Variants in FIGNL1 observed in about 807,000 individuals in gnomAD.
FIGNL1 encodes fidgetin like 1.
In FIGNL1, 11 loss-of-function variants were observed where a neutral mutation model predicts 28.9. That is an observed-to-expected ratio of 0.38 (90% CI 0.24 to 0.63). The LOEUF (loss-of-function observed/expected upper bound fraction) is 0.63, where lower values mean the gene tolerates loss of function less well. Ranked by LOEUF, FIGNL1 falls within the 20% of genes least tolerant of loss-of-function variation. FIGNL1 has a pLI of 0.57. For synonymous variants in FIGNL1, 295 were observed against 276.5 expected (o/e 1.07, Z -0.66); for missense variants, 789 against 810.4 (o/e 0.97, Z 0.32).
intron 3 of FIGNL1, 104 bp downstream of exon 3, chr7:50,448,077 T>C (rs1429332456): frequency 6.6e-6 from 1 of 152,228 alleles, no homozygotes; most frequent in Non-Finnish European, 1.5e-5. Context: ...GAGGAACCAT[T>C]GGAAGAATCA....
At position 50,444,837 on chromosome 7, in the gene FIGNL1, T is replaced by G. The variant is rs535778643; in HGVS notation, c.*426A>C. ...CTTTGAGATCTTAAATCTACTTAAA[T>G]AACACTAAGCAATACTTTGTCCAAA... On this transcript the variant is annotated 3_prime_UTR_variant, in exon 4 of 4. Transcript: ENST00000433017. 1 of 152,600 alleles carries G rather than the reference T, an allele frequency of 6.6e-6. No homozygotes were observed. Among genetic ancestry groups the G allele is most frequent in the South Asian group, 2.1e-4 (1 of 4,832 alleles). 9.5% of individuals were successfully genotyped at this position (152,600 alleles called of 1,614,324 possible). A position where few individuals can be genotyped will look rare whatever the true frequency, so the allele number is the denominator to read the frequency against.
intron 2 of FIGNL1, chr7:50,448,894 A>G (rs1437497170): frequency 6.6e-6 from 1 of 152,270 alleles, no homozygotes; most frequent in African/African-American, 2.4e-5. Flanking sequence ...TAAATAAGCT[A>G]GAGTCAAAAC....
chr7:50,446,577 T>G lies in FIGNL1; in HGVS notation c.711A>C (p.Gly237=). 6.2e-7 allele frequency: 1 copy of G among 1,614,092 alleles called. No homozygotes were observed. The highest frequency in any genetic ancestry group is 8.5e-7 in the Non-Finnish European group (1 of 1,180,014). ...ENHSSAKENI[G]LNVFLSNQSC... ...ACTGGTTAGATAAGAACACATTAAG[T>G]CCTATGTTTTCTTTTGCAGAGCTGT... The change falls in exon 4 of 4, where the codon GGA becomes GGC. Residue 237 remains glycine, a synonymous_variant. Transcript: ENST00000433017.
rs751767519 is a variant in FIGNL1, at chr7:50,445,696, G to A, written c.1592C>T (p.Ala531Val). 1 of 1,614,082 alleles carries A rather than the reference G, an allele frequency of 6.2e-7. No homozygotes were observed. The highest frequency in any genetic ancestry group is 1.1e-5 in the South Asian group (1 of 91,084). ...KTEFLVQLDG[A>V]TTSSEDRILV... The stretch of plus-strand genomic sequence containing the variant: ...GATACGATCTTCAGAAGATGTTGTT[G>A]CTCCATCTAATTGAACTAAAAATTC... Residue 531 changes from alanine to valine, a missense_variant, in exon 4 of 4, where the codon GCA (alanine) becomes GTA (valine). By Grantham distance (64) the Ala-to-Val change is moderately conservative (BLOSUM62 0). Coordinates refer to ENST00000433017, the MANE Select transcript of FIGNL1 (RefSeq NM_001287492.4).
At position 50,446,853 on chromosome 7, in the gene FIGNL1, G is replaced by A; in HGVS notation, c.435C>T (p.Val145=). 6.2e-7 allele frequency: 1 copy of A among 1,614,150 alleles called. No individual in the cohort carries two copies. Among genetic ancestry groups the A allele is most frequent in the African/African-American group, 1.3e-5 (1 of 75,058 alleles). The change falls in exon 4 of 4, where the codon GTC becomes GTT. Residue 145 remains valine, a synonymous_variant. Coordinates refer to ENST00000433017, the MANE Select transcript of FIGNL1 (RefSeq NM_001287492.4). The part of the protein sequence containing the change: ...ASVVIHKEAT[V]FDLPKFSVCG... ...AAACACTAAATTTAGGAAGATCAAA[G>A]ACAGTGGCCTCCTTATGGATTACCA... is the stretch of plus-strand genomic sequence containing the variant.
intron 1 of FIGNL1, 105 bp downstream of exon 1, chr7:50,450,196 C>A (rs376892097): frequency 1.3e-5 from 2 of 152,978 alleles, no homozygotes; most frequent in East Asian, 1.9e-4. Context: ...CCCCGCGACC[C>A]CCAGCATTCC....
Position 50,445,981 on chromosome 7 carries a change from C to T in FIGNL1, c.1307G>A (p.Gly436Glu). The change falls in exon 4 of 4, where the codon GGA becomes GAA. Residue 436 changes from glycine to glutamate, a missense_variant. Transcript: ENST00000433017. Reference sequence around the variant, plus strand: ...CCCAGGAGGACCAAAGAGCAAAATTCCTTTAGGGGGTCCCCTTAAACCAGT... The same window carrying T: ...CCCAGGAGGACCAAAGAGCAAAATTTCTTTAGGGGGTCCCCTTAAACCAGT... Reference protein sequence around the residue: ...IFTGLRGPPKGILLFGPPGTG... With the variant: ...IFTGLRGPPKEILLFGPPGTG... The T allele has an allele frequency of 6.2e-7, 1 of 1,614,112 alleles. No homozygotes were observed. The highest frequency in any genetic ancestry group is 1.1e-5 in the South Asian group (1 of 91,088).
chr7:50,446,682 T>G lies in FIGNL1; in HGVS notation c.606A>C (p.Thr202=). The G allele has an allele frequency of 6.2e-7, 1 of 1,614,242 alleles. No homozygotes were observed. Among genetic ancestry groups the G allele is most frequent in the South Asian group, 1.1e-5 (1 of 91,090 alleles). The change falls in exon 4 of 4, where the codon ACA becomes ACC. Residue 202 remains threonine (T), a synonymous_variant. Transcript: ENST00000433017. ...CTGACTCACCTACAGGTGCTGAGAATGTAGGACAAGTCCTAGCAGTGTTAG... is the reference window on the plus strand; with the variant it reads ...CTGACTCACCTACAGGTGCTGAGAAGGTAGGACAAGTCCTAGCAGTGTTAG... ...MVTNTARTCP[T]FSAPVGESAT...
rs144297981 is a variant in FIGNL1 at position 50,446,599 on chromosome 7, C to T, written c.689G>A (p.Ser230Asn). 3.7e-6 allele frequency: 6 copies of T among 1,614,122 alleles called. No individual in the cohort carries two copies. The highest frequency in any genetic ancestry group is 1.3e-5 in the African/African-American group (1 of 75,044). The change falls in exon 4 of 4, where the codon AGC becomes AAC. Residue 230 changes from serine (S) to asparagine (N), a missense_variant. By Grantham distance (46) the Ser-to-Asn change is conservative. Coordinates refer to ENST00000433017, the MANE Select transcript of FIGNL1 (RefSeq NM_001287492.4). ...AAGTCCTATGTTTTCTTTTGCAGAGCTGTGATTTTCCTTTTTGACATTTCC... is the reference window on the plus strand; with the variant it reads ...AAGTCCTATGTTTTCTTTTGCAGAGTTGTGATTTTCCTTTTTGACATTTCC... ...LFGNVKKENH[S>N]SAKENIGLNV... is the part of the protein sequence containing the mutation.
At position 50,444,507 on chromosome 7, in the gene FIGNL1, T is replaced by C. The variant is rs1470742949; in HGVS notation, c.*756A>G. 6.6e-6 allele frequency: 1 copy of C among 152,242 alleles called. No homozygotes were observed. The highest frequency in any genetic ancestry group is 1.5e-5 in the Non-Finnish European group (1 of 68,046). 9.4% of individuals were successfully genotyped at this position (152,242 alleles called of 1,614,324 possible). ...AATAGTGACTTTTATTCTTTTTACT[T>C]ATCTCTATTTTCTCATGTTTCTGTA... On this transcript the variant is annotated 3_prime_UTR_variant, in exon 4 of 4. Transcript: ENST00000433017.
chr7:50,445,940 TTAGAGTTTTACC>T lies in FIGNL1; in HGVS notation c.1336_1347del (p.Gly446_Leu449del). The T allele has an allele frequency of 6.2e-7, 1 of 1,614,118 alleles. No individual in the cohort carries two copies. The highest frequency in any genetic ancestry group is 8.5e-7 in the Non-Finnish European group (1 of 1,180,014). On this transcript the variant is annotated inframe_deletion, in exon 4 of 4. Coordinates refer to ENST00000433017, the MANE Select transcript of FIGNL1 (RefSeq NM_001287492.4). ...GACTGACTAGCAATGCACTTGCCAA[TTAGAGTTTTACC>T]AGTCCCAGGAGGACCAAAGAGCAAA... is the stretch of plus-strand genomic sequence containing the variant.
Position 50,446,786 on chromosome 7 carries a change from G to A in FIGNL1, c.502C>T (p.His168Tyr), listed in dbSNP as rs763114698. ...QESDSLPNSA[H>Y]DRDRTQDFPE... Reference sequence around the variant, plus strand: ...AAGTCTTGGGTCCGGTCTCGATCATGAGCTGAGTTAGGTAATGAGTCACTC... The same window carrying A: ...AAGTCTTGGGTCCGGTCTCGATCATAAGCTGAGTTAGGTAATGAGTCACTC... The change falls in exon 4 of 4, where the codon CAT (histidine) becomes TAT (tyrosine). Residue 168 changes from histidine to tyrosine, a missense_variant. Physicochemically the swap from His to Tyr is moderately conservative, Grantham distance 83. Transcript: ENST00000433017. 1.1e-5 allele frequency: 17 copies of A among 1,613,996 alleles called. No individual in the cohort carries two copies. The South Asian group carries it at 1.8e-4, about 17-fold the overall frequency.
intron 1 of FIGNL1, 102 bp from the exon 2 acceptor site, chr7:50,449,825 C>T (rs563108649): frequency 2.0e-5 from 3 of 152,400 alleles, no homozygotes; most frequent in African/African-American, 7.2e-5. Context: ...CTATAAAATA[C>T]TGCTTCTTCT....
At position 50,446,849 on chromosome 7, in the gene FIGNL1, CAA is replaced by C. The variant is rs1242719936; in HGVS notation, c.437_438del (p.Phe146Ter). 8.1e-6 allele frequency: 13 copies of C among 1,613,996 alleles called. No individual in the cohort carries two copies. In the Admixed American group the frequency reaches 1.3e-4, roughly 17 times the overall value. The stretch of plus-strand genomic sequence containing the variant: ...CCACAAACACTAAATTTAGGAAGAT[CAA>C]AGACAGTGGCCTCCTTATGGATTAC... ...SVVIHKEATV[F>X]DLPKFSVCGS... On this transcript the variant is annotated frameshift_variant, in exon 4 of 4. Coordinates refer to ENST00000433017, the MANE Select transcript of FIGNL1 (RefSeq NM_001287492.4). LOFTEE classifies it low-confidence loss of function (END_TRUNC).
rs546012786 is a variant in FIGNL1, at chr7:50,446,342, C to G, written c.946G>C (p.Ala316Pro). ...QQKKYHQPQR[A>P]SGSSYGGVKK... The stretch of plus-strand genomic sequence containing the variant: ...ACACCACCATATGAAGACCCTGATG[C>G]ACGCTGAGGTTGGTGGTACTTTTTT... The change falls in exon 4 of 4, where the codon GCA (alanine) becomes CCA (proline). Residue 316 changes from alanine to proline, a missense_variant. Physicochemically the swap from Ala to Pro is conservative, Grantham distance 27. Coordinates refer to ENST00000433017, the MANE Select transcript of FIGNL1 (RefSeq NM_001287492.4). 7.4e-6 allele frequency: 12 copies of G among 1,614,036 alleles called. No individual in the cohort carries two copies. In the Admixed American group the frequency reaches 8.3e-5, roughly 11 times the overall value.
rs1779973646 is a variant in FIGNL1 at position 50,446,308 on chromosome 7, G to A, written c.980C>T (p.Ser327Phe). The A allele has an allele frequency of 3.7e-6, 6 of 1,614,176 alleles. No homozygotes were observed. The highest frequency in any genetic ancestry group is 4.2e-6 in the Non-Finnish European group (5 of 1,180,038). Residue 327 changes from serine to phenylalanine, a missense_variant, in exon 4 of 4, where the codon TCT becomes TTT. Transcript: ENST00000433017. The part of the protein sequence containing the change: ...SGSSYGGVKK[S>F]LGASRSRGIL... ...CCCTCGGGATCTACTAGCTCCTAGA[G>A]ACTTTTTTACACCACCATATGAAGA...
rs749587400 is a variant in FIGNL1 at position 50,447,207 on chromosome 7, G to A, written c.81C>T (p.Thr27=). 54 of 1,613,864 alleles carry A rather than the reference G, an allele frequency of 3.3e-5. 1 individual carries two copies. The Middle Eastern group carries it at 6.6e-4, about 20-fold the overall frequency. The change falls in exon 4 of 4, where the codon ACC becomes ACT. Residue 27 remains threonine, a synonymous_variant. Coordinates refer to ENST00000433017, the MANE Select transcript of FIGNL1 (RefSeq NM_001287492.4). ...NYFAITSGIC[T]GPKADAYRAQ... ...CACGGTATGCATCTGCCTTCGGTCCGGTACATATGCCAGATGTAATTGCGA... is the reference window on the plus strand; with the variant it reads ...CACGGTATGCATCTGCCTTCGGTCCAGTACATATGCCAGATGTAATTGCGA...
chr7:50,446,775 G>T lies in FIGNL1; in HGVS notation c.513C>A (p.Asp171Glu). Residue 171 changes from aspartate (D) to glutamate (E), a missense_variant, in exon 4 of 4, where the codon GAC becomes GAA. Asp to Glu is a conservative substitution (Grantham distance 45). Transcript: ENST00000433017. ...DSLPNSAHDRDRTQDFPESNR... is the reference protein window; with the variant it reads ...DSLPNSAHDRERTQDFPESNR... Reference sequence around the variant, plus strand: ...TGCTCTCCGGGAAGTCTTGGGTCCGGTCTCGATCATGAGCTGAGTTAGGTA... The same window carrying T: ...TGCTCTCCGGGAAGTCTTGGGTCCGTTCTCGATCATGAGCTGAGTTAGGTA... 1.2e-6 allele frequency: 2 copies of T among 1,614,132 alleles called. No homozygotes were observed. Among genetic ancestry groups the T allele is most frequent in the Non-Finnish European group, 1.7e-6 (2 of 1,180,042 alleles).
chr7:50,446,811 C>A lies in FIGNL1; in HGVS notation c.477G>T (p.Glu159Asp). 6.2e-7 allele frequency: 1 copy of A among 1,614,064 alleles called. No individual in the cohort carries two copies. Among genetic ancestry groups the A allele is most frequent in the Non-Finnish European group, 8.5e-7 (1 of 1,180,036 alleles). The change falls in exon 4 of 4, where the codon GAG becomes GAT. Residue 159 changes from glutamate to aspartate, a missense_variant. Transcript: ENST00000433017. ...GAGCTGAGTTAGGTAATGAGTCACT[C>A]TCTTGAGAACTACCACAAACACTAA... The part of the protein sequence containing the change: ...PKFSVCGSSQ[E>D]SDSLPNSAHD...
Sources: allele counts gnomAD v4.1 joint callset, GRCh38; gene constraint gnomAD v4.1.1; transcripts MANE v1.5; gene names NCBI Gene and HGNC (gene_info 2026-07-23, HGNC 2026-07-21).